Variants in UBE2E3 observed in about 807,000 individuals in gnomAD.
UBE2E3 encodes the protein ubiquitin-conjugating enzyme E2 E3.
A neutral mutation model predicts 23.6 loss-of-function variants in UBE2E3; 5 were observed. That is an observed-to-expected ratio of 0.21 (90% CI 0.11 to 0.44). The LOEUF (loss-of-function observed/expected upper bound fraction) is 0.44. UBE2E3 is among the 20% of genes least tolerant of loss of function. UBE2E3 has a pLI of 0.99. For missense variants in UBE2E3, 81 were observed against 249.8 expected (o/e 0.32, Z 4.55); for synonymous variants, 78 against 87.5 (o/e 0.89, Z 0.60).
intron 3 of UBE2E3, among the ~76,000 whole-genome samples, chr2:181,033,508 A>T (rs1374759676): frequency 2.0e-5 from 3 of 152,232 alleles, no homozygotes; most frequent in Admixed American, 1.3e-4. Flanking sequence ...TCCCTTCCTT[A>T]CACCTTATAC....
At chr2:181,005,168 C>A (rs1183585722) in intron 3 of UBE2E3, among the ~76,000 whole-genome samples, 1 of 152,186 alleles carries the variant, frequency 6.6e-6, no homozygotes, top group East Asian at 1.9e-4. Flanking sequence ...ATGCTGTCAG[C>A]ATCTGATTTA....
At chr2:180,987,182 T>C (rs1284165743) in intron 3 of UBE2E3, among the ~76,000 whole-genome samples, 1 of 152,188 alleles carries the variant, frequency 6.6e-6, no homozygotes, top group South Asian at 2.1e-4. Context: ...GGTTTCAGTT[T>C]ATGCTGTTTA....
chr2:180,992,438 C>A (rs535068431), intron 3 of UBE2E3, among the ~76,000 whole-genome samples: 42 of 152,282 alleles, frequency 2.8e-4, no homozygotes, highest in African/African-American at 1.0e-3. Flanking sequence ...GTTGTGATTA[C>A]AAACAAACCT....
chr2:180,988,958 A>C (rs1684569528), intron 3 of UBE2E3, among the ~76,000 whole-genome samples: 2 of 152,220 alleles, frequency 1.3e-5, no homozygotes, highest in South Asian at 4.1e-4. Flanking sequence ...TCTTAATTGG[A>C]AGCTCGACTG....
chr2:181,060,846 C>T, intron 5 of UBE2E3, 34 bp downstream of exon 5: 2 of 663,048 alleles, frequency 3.0e-6, no homozygotes, highest in Non-Finnish European at 4.5e-6. Flanking sequence ...TACAATAAGA[C>T]TACAAAAACG....
intron 3 of UBE2E3, among the ~76,000 whole-genome samples, chr2:181,013,284 T>C (rs1685388899): frequency 6.6e-6 from 1 of 152,200 alleles, no homozygotes; most frequent in African/African-American, 2.4e-5. Flanking sequence ...ATTTCATACT[T>C]TCTGTAAGAC....
chr2:181,010,595 A>G (rs947591161), intron 3 of UBE2E3, among the ~76,000 whole-genome samples: 2 of 152,190 alleles, frequency 1.3e-5, no homozygotes, highest in Admixed American at 1.3e-4. Flanking sequence ...ACAGGTAGAT[A>G]TAAAAGGAAA....
chr2:181,046,289 A>G (rs567950459), intron 3 of UBE2E3, among the ~76,000 whole-genome samples: 2 of 152,324 alleles, frequency 1.3e-5, no homozygotes, highest in African/African-American at 4.8e-5. Flanking sequence ...CCGTGTAGGC[A>G]TTAAGGTTCT....
intron 3 of UBE2E3, among the ~76,000 whole-genome samples, chr2:181,028,005 T>C (rs887276609): frequency 2.6e-5 from 4 of 152,032 alleles, no homozygotes; most frequent in African/African-American, 9.7e-5. Flanking sequence ...CTGTCCCTAT[T>C]CAGTCACTCT....
At chr2:181,038,033 G>C (rs944486443) in intron 3 of UBE2E3, among the ~76,000 whole-genome samples, 2 of 152,134 alleles carry the variant, frequency 1.3e-5, no homozygotes, top group Non-Finnish European at 2.9e-5. Context: ...AAGTATTTTT[G>C]TATAAATTTA....
chr2:180,981,423 C>T (rs1186410867), intron 1 of UBE2E3: 3 of 152,126 alleles, frequency 2.0e-5, no homozygotes, highest in African/African-American at 4.8e-5. Flanking sequence ...GGTGGCAGCT[C>T]GGTCTTGGCC....
intron 3 of UBE2E3, among the ~76,000 whole-genome samples, chr2:181,021,023 A>G (rs1685653213): frequency 6.6e-6 from 1 of 152,210 alleles, no homozygotes; most frequent in African/African-American, 2.4e-5. Context: ...TGAAAGGGTT[A>G]TTACATACTT....
At chr2:180,994,300 GCTGGTATGATGAAC>G (rs1684763228) in intron 3 of UBE2E3, among the ~76,000 whole-genome samples, 1 of 151,956 alleles carries the variant, frequency 6.6e-6, no homozygotes, top group Non-Finnish European at 1.5e-5. Flanking sequence ...AAGTAAACAG[GCTGGTATGATGAAC>G]CCCCATATAT....
At chr2:181,030,271 TTAA>T (rs1027049946) in intron 3 of UBE2E3, among the ~76,000 whole-genome samples, 1 of 152,120 alleles carries the variant, frequency 6.6e-6, no homozygotes, top group African/African-American at 2.4e-5. Flanking sequence ...CTTTAATCTA[TTAA>T]TATGATAAAT....
chr2:180,998,769 T>C (rs1684905980), intron 3 of UBE2E3, among the ~76,000 whole-genome samples: 2 of 152,220 alleles, frequency 1.3e-5, no homozygotes, highest in South Asian at 4.1e-4. Context: ...GATGCAACTT[T>C]GGAGGAGCTC....
intron 3 of UBE2E3, among the ~76,000 whole-genome samples, chr2:181,038,702 T>C (rs1208076765): frequency 6.6e-6 from 1 of 152,202 alleles, no homozygotes; most frequent in Non-Finnish European, 1.5e-5. Flanking sequence ...ATAAAAGACT[T>C]GTATCCAGAA....
chr2:181,052,498 A>G (rs1686870849), intron 3 of UBE2E3, among the ~76,000 whole-genome samples: 1 of 151,838 alleles, frequency 6.6e-6, no homozygotes. Context: ...ATCTTCGTTA[A>G]CCCAGCTGTT....
intron 3 of UBE2E3, chr2:180,987,208 AT>A (rs1309616300): frequency 3.0e-6 from 3 of 1,003,312 alleles, no homozygotes; most frequent in Non-Finnish European, 4.3e-6. Flanking sequence ...AGTATAAATA[AT>A]TTATACATCA....
At chr2:181,046,380 A>G (rs1302073847) in intron 3 of UBE2E3, among the ~76,000 whole-genome samples, 2 of 152,188 alleles carry the variant, frequency 1.3e-5, no homozygotes, top group Non-Finnish European at 2.9e-5. Context: ...TCAAACTGCA[A>G]AACATACAGA....
Sources: gnomAD v4.1 joint callset for allele counts (sites outside exome capture counted in the v4.1 genomes callset) on GRCh38, gnomAD v4.1.1 for gene constraint, MANE v1.5 for transcripts, NCBI Gene and HGNC (gene_info 2026-07-23, HGNC 2026-07-21) for gene names.